DOP1A: variants seen among roughly 807,000 people sequenced by gnomAD.
DOP1A encodes protein DOP1A.
Under a neutral mutation model 267.6 loss-of-function variants are expected in DOP1A, and 90 were observed. The ratio of observed to expected loss-of-function variants is 0.34; its 90% CI spans 0.28 to 0.40. The LOEUF is 0.40. Among genes scored for constraint, DOP1A ranks in the 10% least tolerant of loss-of-function variants. The probability of loss-of-function intolerance (pLI) is 1.00; values close to 1 mark genes in which losing one functional copy is unlikely to be tolerated. For synonymous variants in DOP1A, 932 were observed against 999.1 expected (o/e 0.93, Z 1.27); for missense variants, 2,437 against 2,900.4 (o/e 0.84, Z 3.67).
intron 15 of DOP1A, among the ~76,000 whole-genome samples, chr6:83,127,682 C>G (rs965138780): frequency 6.6e-6 from 1 of 151,954 alleles, no homozygotes; most frequent in Non-Finnish European, 1.5e-5. Flanking sequence ...CTTGTGCCAA[C>G]AAGATACGAG....
At chr6:83,164,749 TG>T (rs1562392613) in intron 38 of DOP1A, 2 of 1,561,612 alleles carry the variant, frequency 1.3e-6, no homozygotes, top group Non-Finnish European at 1.7e-6. Context: ...GCTTATGATA[TG>T]GCAGCAAAAG....
chr6:83,075,317 C>T (rs1001183850), intron 1 of DOP1A, among the ~76,000 whole-genome samples: 1 of 152,120 alleles, frequency 6.6e-6, no homozygotes, highest in Non-Finnish European at 1.5e-5. Flanking sequence ...CAGATGAGGT[C>T]TCTCTGTTAT....
At chr6:83,155,269 C>A (rs1782545471) in intron 33 of DOP1A, among the ~76,000 whole-genome samples, 1 of 148,818 alleles carries the variant, frequency 6.7e-6, no homozygotes, top group South Asian at 2.1e-4. Context: ...TGAGACTAAC[C>A]TGGACAAAAT....
Position 83,138,245 on chromosome 6 carries a change from T to G in DOP1A, c.4203T>G (p.Asn1401Lys), listed in dbSNP as rs758271099. The G allele has an allele frequency of 1.9e-6, 3 of 1,613,412 alleles. No individual in the cohort carries two copies. The East Asian group carries it at 6.7e-5, about 36-fold the overall frequency. Residue 1401 changes from asparagine (N) to lysine (K), a missense_variant, in exon 21 of 39, where the codon AAT becomes AAG. By Grantham distance (94) the Asn-to-Lys change is moderately conservative. This residue lies in a region of DOP1A where 878 missense variants were observed against 992.9 expected (regional missense o/e 0.88). Coordinates refer to ENST00000349129, the MANE Select transcript of DOP1A (RefSeq NM_015018.4). ...ILKTNPIAFV[N>K]AISTTSVNNA... Reference sequence around the variant, plus strand: ...AAACTAACCCTATAGCTTTTGTAAATGCCATTTCAACTACTAGTGTAAATA... The same window carrying G: ...AAACTAACCCTATAGCTTTTGTAAAGGCCATTTCAACTACTAGTGTAAATA...
chr6:83,072,727 A>G (rs1177833946), intron 1 of DOP1A, among the ~76,000 whole-genome samples: 1 of 152,242 alleles, frequency 6.6e-6, no homozygotes, highest in Non-Finnish European at 1.5e-5. Context: ...GTGCTATTAT[A>G]TTATGAAAAG....
chr6:83,130,449 T>TA (rs1383232953), intron 17 of DOP1A, 52 bp downstream of exon 17: 1 of 1,544,316 alleles, frequency 6.5e-7, no homozygotes, highest in Non-Finnish European at 8.7e-7. Context: ...CCATGTATGA[T>TA]ACTTGACCTA....
downstream of DOP1A, chr6:83,168,747 A>AG (rs1786427230): frequency 3.0e-6 from 3 of 998,640 alleles, 1 homozygote; most frequent in South Asian, 1.3e-4. Context: ...TGATGGCATT[A>AG]GTCATATAGG....
At chr6:83,127,027 CATA>C (rs779467122) in intron 15 of DOP1A, among the ~76,000 whole-genome samples, 12 of 151,958 alleles carry the variant, frequency 7.9e-5, no homozygotes, top group Non-Finnish European at 1.3e-4. Context: ...GGGTGGGGAA[CATA>C]GAACTGGTTG....
At chr6:83,068,280 A>G (rs1785037431) in intron 1 of DOP1A, among the ~76,000 whole-genome samples, 1 of 152,190 alleles carries the variant, frequency 6.6e-6, no homozygotes, top group African/African-American at 2.4e-5. Flanking sequence ...GGGGCTTAGA[A>G]AGGAGTACCG....
intron 38 of DOP1A, among the ~76,000 whole-genome samples, chr6:83,164,133 T>C (rs914921269): frequency 3.4e-5 from 5 of 147,976 alleles, no homozygotes; most frequent in African/African-American, 1.3e-4. Flanking sequence ...TGCTCAGAAA[T>C]TTTCCAGTCT....
At position 83,120,668 on chromosome 6, in the gene DOP1A, T is replaced by C. The variant is rs1776212284; in HGVS notation, c.991-15T>C. The C allele has an allele frequency of 2.6e-6, 4 of 1,556,758 alleles. No individual in the cohort carries two copies. Among genetic ancestry groups the C allele is most frequent in the African/African-American group, 2.7e-5 (2 of 74,190 alleles). ...ATGTTTACTTAAATGACCAGTGTAC[T>C]TTCCTTTTTTAAAGGCAATGGTGGG... On this transcript the variant is annotated splice_polypyrimidine_tract_variant and intron_variant, in intron 9 of 38. Coordinates refer to ENST00000349129, the MANE Select transcript of DOP1A (RefSeq NM_015018.4).
chr6:83,158,329 G>A (rs1379808754), intron 35 of DOP1A, among the ~76,000 whole-genome samples: 1 of 152,008 alleles, frequency 6.6e-6, no homozygotes, highest in African/African-American at 2.4e-5. Context: ...AACTAACTCT[G>A]TTCCATAATC....
At chr6:83,092,186 TA>T (rs1390523250) in intron 1 of DOP1A, among the ~76,000 whole-genome samples, 6 of 152,172 alleles carry the variant, frequency 3.9e-5, no homozygotes, top group African/African-American at 7.2e-5. Flanking sequence ...ATCTAGTATT[TA>T]AAAGTTTTAG....
chr6:83,124,494 G>A (rs1222251656), intron 12 of DOP1A, among the ~76,000 whole-genome samples: 1 of 152,156 alleles, frequency 6.6e-6, no homozygotes, highest in African/African-American at 2.4e-5. Context: ...CAGGATGGGA[G>A]TTACAGGGAG....
At chr6:83,164,697 G>C in intron 38 of DOP1A, 1 of 1,590,674 alleles carries the variant, frequency 6.3e-7, no homozygotes, top group African/African-American at 1.3e-5. Flanking sequence ...ATTTTGGAGG[G>C]ATTGGAGATG....
intron 10 of DOP1A, among the ~76,000 whole-genome samples, chr6:83,121,116 T>G (rs1263724629): frequency 1.3e-5 from 2 of 151,832 alleles, no homozygotes; most frequent in Admixed American, 6.6e-5. Flanking sequence ...ATCCAAGGAC[T>G]TGAGGAAAAT....
At chr6:83,153,478 A>G (rs1180412102) in intron 30 of DOP1A, 33 bp from the exon 31 acceptor site, 4 of 1,438,706 alleles carry the variant, frequency 2.8e-6, no homozygotes, top group African/African-American at 2.9e-5. Context: ...GTTTCACCTC[A>G]TATGTTACTC....
At chr6:83,136,255 T>G (rs1380173216) in intron 20 of DOP1A, among the ~76,000 whole-genome samples, 1 of 152,168 alleles carries the variant, frequency 6.6e-6, no homozygotes, top group Non-Finnish European at 1.5e-5. Context: ...TCATGAGTCA[T>G]TTTCCTCATC....
At chr6:83,133,425 GA>G (rs1479648523) in intron 18 of DOP1A, among the ~76,000 whole-genome samples, 1 of 151,992 alleles carries the variant, frequency 6.6e-6, no homozygotes, top group African/African-American at 2.4e-5. Context: ...TAAGCCCATA[GA>G]AAAAACAAGC....
Sources: gnomAD v4.1 joint callset for allele counts (sites outside exome capture counted in the v4.1 genomes callset) on GRCh38, gnomAD v4.1.1 for gene constraint, gnomAD v4.1.1 regional missense constraint, MANE v1.5 for transcripts, NCBI Gene and HGNC (gene_info 2026-07-23, HGNC 2026-07-21) for gene names.